Variants in LINGO2 observed in about 807,000 individuals in gnomAD.
LINGO2 encodes leucine-rich repeat and immunoglobulin-like domain-containing nogo receptor-interacting protein 2.
A neutral mutation model predicts 30.6 loss-of-function variants in LINGO2; 14 were observed. The observed-to-expected ratio is 0.46, with a 90% CI of 0.30 to 0.72. The LOEUF (loss-of-function observed/expected upper bound fraction) is 0.72. LINGO2 is among the 30% of genes least tolerant of loss of function. The pLI is 0.07. For missense variants in LINGO2, 729 were observed against 751.7 expected, an observed-to-expected ratio of 0.97 and a Z score of 0.35; for synonymous variants, 317 against 288.5, an observed-to-expected ratio of 1.10 and a Z score of -1.00.
the LINGO2 span, among the ~76,000 whole-genome samples, chr9:29,048,744 G>A: frequency 6.6e-6 from 1 of 152,166 alleles, no homozygotes; most frequent in Middle Eastern, 3.4e-3. Context: ...AATGGTGCTG[G>A]GAAAACTGGA....
At chr9:29,159,773 G>A in the LINGO2 span, among the ~76,000 whole-genome samples, 1 of 150,706 alleles carries the variant, frequency 6.6e-6, no homozygotes, top group Non-Finnish European at 1.5e-5. Flanking sequence ...CAAGAGAATC[G>A]CTTGAACCCA....
chr9:28,739,644 A>G, the LINGO2 span, among the ~76,000 whole-genome samples: 1 of 151,802 alleles, frequency 6.6e-6, no homozygotes, highest in South Asian at 2.1e-4. Context: ...ATAATATACC[A>G]CTTTGTCAGT....
chr9:28,598,429 A>C (rs564836814), intron 1 of LINGO2, among the ~76,000 whole-genome samples: 43 of 128,256 alleles, frequency 3.4e-4, no homozygotes, highest in Non-Finnish European at 5.6e-4. Context: ...AAAAAAAAAA[A>C]AAAAACAAAA....
At chr9:28,693,208 G>A in the LINGO2 span, among the ~76,000 whole-genome samples, 1 of 151,972 alleles carries the variant, frequency 6.6e-6, no homozygotes, top group Middle Eastern at 3.4e-3. Context: ...GATTTTTGTT[G>A]GTGCACTTCC....
intron 4 of LINGO2, among the ~76,000 whole-genome samples, chr9:28,207,612 C>A (rs1417695165): frequency 6.6e-6 from 1 of 152,058 alleles, no homozygotes; most frequent in East Asian, 1.9e-4. Flanking sequence ...TCTAAATAAT[C>A]TTTCTCTTTC....
At chr9:28,779,158 G>A in the LINGO2 span, among the ~76,000 whole-genome samples, 4 of 152,120 alleles carry the variant, frequency 2.6e-5, no homozygotes, top group Non-Finnish European at 4.4e-5. Flanking sequence ...AGAATTTCTA[G>A]CTGCCTTTCA....
chr9:28,060,313 T>C (rs190736158), intron 4 of LINGO2, among the ~76,000 whole-genome samples: 3 of 151,646 alleles, frequency 2.0e-5, no homozygotes, highest in East Asian at 3.9e-4. Flanking sequence ...ACTGATTTCA[T>C]TGTAATTACG....
At chr9:28,703,031 G>A in the LINGO2 span, among the ~76,000 whole-genome samples, 384 of 151,152 alleles carry the variant, frequency 2.5e-3, 1 homozygote, top group Admixed American at 4.4e-3. Flanking sequence ...TCTTAGCCTG[G>A]CTATATGCTA....
intron 4 of LINGO2, among the ~76,000 whole-genome samples, chr9:28,231,532 AAAC>A (rs1235752311): frequency 6.6e-6 from 1 of 152,130 alleles, no homozygotes; most frequent in African/African-American, 2.4e-5. Context: ...ATTAAAAAGA[AAAC>A]AAAACTAATA....
chr9:28,603,601 C>T (rs1449533962), intron 1 of LINGO2, among the ~76,000 whole-genome samples: 3 of 152,036 alleles, frequency 2.0e-5, no homozygotes, highest in East Asian at 1.9e-4. Context: ...TGTGAGGCAC[C>T]TGATTATAAA....
the LINGO2 span, among the ~76,000 whole-genome samples, chr9:28,727,380 G>T: frequency 6.6e-6 from 1 of 151,978 alleles, no homozygotes; most frequent in Non-Finnish European, 1.5e-5. Flanking sequence ...CCGCCTCCCA[G>T]GTTCAAGCCA....
chr9:28,835,410 T>C, the LINGO2 span, among the ~76,000 whole-genome samples: 1 of 152,206 alleles, frequency 6.6e-6, no homozygotes, highest in Non-Finnish European at 1.5e-5. Context: ...TTGTCAAATA[T>C]AGAAATATTA....
intron 5 of LINGO2, among the ~76,000 whole-genome samples, chr9:27,997,306 GTAGAATT>G (rs1447768722): frequency 2.0e-5 from 3 of 152,170 alleles, no homozygotes; most frequent in Non-Finnish European, 2.9e-5. Context: ...GCTGTTCTTT[GTAGAATT>G]CAGCAAAACT....
the LINGO2 span, among the ~76,000 whole-genome samples, chr9:28,887,486 G>C: frequency 0.85 from 129,640 of 151,914 alleles, 55,481 homozygotes; most frequent in Non-Finnish European, 0.89. Context: ...AGTAATGTTA[G>C]TGGATGATTT....
the LINGO2 span, among the ~76,000 whole-genome samples, chr9:28,766,331 A>T: frequency 3.3e-5 from 5 of 151,976 alleles, no homozygotes. Context: ...ACTGGCTAAC[A>T]AGTATATGAA....
At chr9:28,634,678 G>A (rs1468523279) in intron 1 of LINGO2, among the ~76,000 whole-genome samples, 1 of 151,804 alleles carries the variant, frequency 6.6e-6, no homozygotes, top group Admixed American at 6.6e-5. Flanking sequence ...TAGAAACGGG[G>A]TTCCATCATT....
At chr9:28,239,763 T>C (rs1187977457) in intron 4 of LINGO2, among the ~76,000 whole-genome samples, 2 of 152,114 alleles carry the variant, frequency 1.3e-5, no homozygotes, top group African/African-American at 4.8e-5. Flanking sequence ...TATTCAATAT[T>C]GTACTGGAAG....
intron 5 of LINGO2, among the ~76,000 whole-genome samples, chr9:27,994,078 G>C (rs1053659517): frequency 1.8e-4 from 27 of 151,692 alleles, no homozygotes; most frequent in African/African-American, 6.5e-4. Context: ...AAATTAAGAA[G>C]GAAACTTAAA....
chr9:28,195,736 A>G (rs928592990), intron 4 of LINGO2, among the ~76,000 whole-genome samples: 2 of 151,518 alleles, frequency 1.3e-5, no homozygotes, highest in East Asian at 3.9e-4. Flanking sequence ...CTATTTATTC[A>G]TACATAGTTT....
Sources: allele counts gnomAD v4.1 joint callset (sites outside exome capture counted in the v4.1 genomes callset), GRCh38; gene constraint gnomAD v4.1.1; transcripts MANE v1.5; gene names NCBI Gene and HGNC (gene_info 2026-07-23, HGNC 2026-07-21).